The following INO80 variants were observed in gnomAD, a reference collection of about 807,000 sequenced individuals.
INO80 encodes chromatin-remodeling ATPase INO80.
Under a neutral mutation model 203.4 loss-of-function variants are expected in INO80, and 20 were observed. That is an observed-to-expected ratio of 0.10 (90% confidence interval 0.07 to 0.14). The LOEUF is 0.14. Among genes scored for constraint, INO80 ranks in the 10% least tolerant of loss-of-function variants. The pLI is 1.00. For missense variants in INO80, 1,419 were observed against 1,914.4 expected, an observed-to-expected ratio of 0.74 and a Z score of 4.83; for synonymous variants, 726 against 685.2, an observed-to-expected ratio of 1.06 and a Z score of -0.93.
chr15:41,010,050 T>C (rs2044111392), intron 27 of INO80, among the ~76,000 whole-genome samples: 1 of 152,170 alleles, frequency 6.6e-6, no homozygotes, highest in Non-Finnish European at 1.5e-5. Context: ...CTCTAACACA[T>C]CCCATCAGTC....
At chr15:41,115,872 G>C (rs934016687) in intron 1 of INO80, 101 bp downstream of exon 1, 1 of 374,132 alleles carries the variant, frequency 2.7e-6, no homozygotes, top group Non-Finnish European at 4.8e-6. Context: ...CGGGGGCGAC[G>C]GCCCCTTTAA....
intron 14 of INO80, among the ~76,000 whole-genome samples, chr15:41,061,215 A>G (rs2045098949): frequency 6.6e-6 from 1 of 152,070 alleles, no homozygotes; most frequent in African/African-American, 2.4e-5. Flanking sequence ...TCTAAGGCAG[A>G]ATTGCTTGAG....
chr15:41,049,310 C>G lies in INO80; in HGVS notation c.2553G>C (p.Arg851Ser). 1 of 1,613,342 alleles carries G rather than the reference C, an allele frequency of 6.2e-7. No individual in the cohort carries two copies. Among genetic ancestry groups the G allele is most frequent in the Non-Finnish European group, 8.5e-7 (1 of 1,179,462 alleles). Residue 851 changes from arginine to serine, a missense_variant, in exon 21 of 36, where the codon AGG becomes AGC. Arg to Ser is a moderately radical substitution (Grantham distance 110). Around this residue, in one of 9 missense-constraint regions of INO80, gnomAD observed 302 missense variants for 345.4 expected, o/e 0.87. Transcript: ENST00000648947. ...ACCTGTCTCGTGAATGATTGAAGACCCTGATCTGTCCATGACGGTAGATAA... is the reference window on the plus strand; with the variant it reads ...ACCTGTCTCGTGAATGATTGAAGACGCTGATCTGTCCATGACGGTAGATAA... Reference protein sequence around the residue: ...SKFIYRHGQIRVFNHSRDRWL... With the variant: ...SKFIYRHGQISVFNHSRDRWL...
chr15:41,065,316 T>C (rs999630860), intron 14 of INO80, among the ~76,000 whole-genome samples: 4 of 151,774 alleles, frequency 2.6e-5, no homozygotes, highest in African/African-American at 9.7e-5. Flanking sequence ...TACACCCCTG[T>C]AGTCCCAGCT....
intron 1 of INO80, among the ~76,000 whole-genome samples, chr15:41,111,826 C>T (rs1374822299): frequency 1.3e-5 from 2 of 150,630 alleles, no homozygotes; most frequent in African/African-American, 4.9e-5. Context: ...AACGTTTTTG[C>T]GGGGAGGAGG....
At chr15:41,048,439 A>T (rs745932996) in intron 21 of INO80, among the ~76,000 whole-genome samples, 163 bp from the exon 22 acceptor site, 38 of 152,136 alleles carry the variant, frequency 2.5e-4, no homozygotes, top group Non-Finnish European at 4.4e-4. Context: ...GCATACATTT[A>T]AAAAAATACA....
In INO80 at chr15:40,996,728, T is replaced by C. The variant is rs190217813; in HGVS notation, c.3570+801A>G. On this transcript the variant is annotated intron_variant, in intron 29 of 35. Transcript: ENST00000648947. ...TTGGAATATCTTTTCTACTTTATTT[T>C]TGAAATTACCCTTTTCATTGCTCTC... is the stretch of plus-strand genomic sequence containing the variant. Among the ~76,000 whole-genome samples, 4 of 152,256 alleles carry C rather than the reference T, an allele frequency of 2.6e-5. No homozygotes were observed. The East Asian group carries it at 7.7e-4, about 29-fold the overall frequency.
intron 5 of INO80, 126 bp downstream of exon 5, chr15:41,091,901 C>T: frequency 1.5e-6 from 1 of 677,324 alleles, no homozygotes; most frequent in South Asian, 2.8e-5. Flanking sequence ...ATCCGCCCGC[C>T]TCGTCCTCCC....
chr15:41,053,197 C>G (rs1170358034), intron 19 of INO80, among the ~76,000 whole-genome samples: 1 of 152,186 alleles, frequency 6.6e-6, no homozygotes. Flanking sequence ...GCTCCGCCTC[C>G]CAGATTCATG....
rs1388522990 is a variant in INO80 at position 41,055,944 on chromosome 15, G to GT, written c.2071-581_2071-580insA. 1.0e-3 allele frequency among the ~76,000 whole-genome samples: 63 copies of GT among 62,026 alleles called. No individual in the cohort carries two copies. In the South Asian group the frequency reaches 0.02, roughly 20 times the overall value. 40.7% of individuals were successfully genotyped at this position (62,026 alleles called of 152,430 possible). On this transcript the variant is annotated intron_variant, in intron 17 of 35. Transcript: ENST00000648947. ...AGTTTCTATAAAGTTTTCTTCTTTT[G>GT]GTTTTTTTTTTTTTTTTTGAGATGG...
intron 4 of INO80, 34 bp downstream of exon 4, chr15:41,095,567 A>T: frequency 6.8e-7 from 1 of 1,472,364 alleles, no homozygotes; most frequent in Non-Finnish European, 9.5e-7. Flanking sequence ...TTAGTAGACT[A>T]TCTGCACTGT....
intron 26 of INO80, among the ~76,000 whole-genome samples, chr15:41,020,204 G>C (rs981943223): frequency 1.3e-5 from 2 of 152,020 alleles, no homozygotes; most frequent in African/African-American, 4.8e-5. Context: ...CTGGGCAACA[G>C]AGCGGGACTC....
Position 41,022,349 on chromosome 15 carries a change from C to G in INO80, c.3049-1224G>C, listed in dbSNP as rs548910011. On this transcript the variant is annotated intron_variant, in intron 25 of 35. Coordinates refer to ENST00000648947, the MANE Select transcript of INO80 (RefSeq NM_017553.3). ...CAAGGGAACTTGATCTTGCTATTAACTTTTCTCCTTTTGTGTTGATCAAGC... is the reference window on the plus strand; with the variant it reads ...CAAGGGAACTTGATCTTGCTATTAAGTTTTCTCCTTTTGTGTTGATCAAGC... Among the ~76,000 whole-genome samples the G allele has an allele frequency of 3.3e-5, 5 of 152,282 alleles. No homozygotes were observed. The South Asian group carries it at 1.0e-3, about 32-fold the overall frequency.
chr15:41,058,890 G>T, intron 15 of INO80, 109 bp from the exon 16 acceptor site: 2 of 981,950 alleles, frequency 2.0e-6, no homozygotes, highest in Non-Finnish European at 1.5e-6. Flanking sequence ...CAGCCCTGAA[G>T]ATGTGCTTCT....
At chr15:41,086,951 G>C (rs775830931) in intron 6 of INO80, among the ~76,000 whole-genome samples, 1 of 152,162 alleles carries the variant, frequency 6.6e-6, no homozygotes, top group Non-Finnish European at 1.5e-5. Flanking sequence ...AATATTTGCA[G>C]AGTGTGTATA....
intron 28 of INO80, among the ~76,000 whole-genome samples, chr15:41,003,935 A>C (rs943002856): frequency 6.6e-6 from 1 of 152,238 alleles, no homozygotes; most frequent in Admixed American, 6.5e-5. Context: ...TAGCTCGCAC[A>C]TAAGATTCTT....
At chr15:41,021,876 G>A (rs560513033) in intron 25 of INO80, among the ~76,000 whole-genome samples, 1 of 152,338 alleles carries the variant, frequency 6.6e-6, no homozygotes, top group African/African-American at 2.4e-5. Flanking sequence ...CAGAAACACA[G>A]ATTTTATCCT....
chr15:41,001,641 T>C (rs2043959967), intron 28 of INO80, among the ~76,000 whole-genome samples: 1 of 152,202 alleles, frequency 6.6e-6, no homozygotes, highest in Non-Finnish European at 1.5e-5. Context: ...ACCTTGTGAA[T>C]GGCTTCCAGG....
At chr15:41,107,362 A>G (rs2045895330) in intron 1 of INO80, among the ~76,000 whole-genome samples, 1 of 152,038 alleles carries the variant, frequency 6.6e-6, no homozygotes, top group Admixed American at 6.6e-5. Context: ...TTAGCCAGGC[A>G]TTGTGGCACA....
Sources: allele counts gnomAD v4.1 joint callset (sites outside exome capture counted in the v4.1 genomes callset), GRCh38; gene constraint gnomAD v4.1.1; regional missense constraint gnomAD v4.1.1; transcripts MANE v1.5; gene names NCBI Gene and HGNC (gene_info 2026-07-23, HGNC 2026-07-21).